AKAP6: variants seen among roughly 807,000 people sequenced by gnomAD.
The protein encoded by AKAP6 is A-kinase anchoring protein 6.
A neutral mutation model predicts 188.5 loss-of-function variants in AKAP6; 58 were observed. The observed-to-expected ratio is 0.31, with a 90% CI of 0.25 to 0.38. The LOEUF is 0.38. Among genes scored for constraint, AKAP6 ranks in the 10% least tolerant of loss-of-function variants. The probability of loss-of-function intolerance (pLI) is 1.00; values close to 1 mark genes in which losing one functional copy is unlikely to be tolerated. For missense variants in AKAP6, 2,710 were observed against 2,740.0 expected (o/e 0.99, Z 0.24); for synonymous variants, 989 against 998.6 (o/e 0.99, Z 0.18).
chr14:32,461,939 A>C (rs1033000751), intron 2 of AKAP6, among the ~76,000 whole-genome samples: 4 of 151,958 alleles, frequency 2.6e-5, no homozygotes, highest in African/African-American at 9.7e-5. Flanking sequence ...AGCATACACA[A>C]GTATCAATAG....
At chr14:32,758,304 C>T (rs2139934940) in intron 11 of AKAP6, among the ~76,000 whole-genome samples, 1 of 152,204 alleles carries the variant, frequency 6.6e-6, no homozygotes, top group East Asian at 1.9e-4. Flanking sequence ...ATCAGAATAC[C>T]AATCCAGGCC....
chr14:32,560,493 T>A (rs969454350), intron 4 of AKAP6, among the ~76,000 whole-genome samples: 2 of 152,214 alleles, frequency 1.3e-5, no homozygotes, highest in African/African-American at 2.4e-5. Context: ...ATATGGCTGT[T>A]GGCCTCTGCA....
chr14:32,719,018 A>G (rs1447995659), intron 9 of AKAP6, among the ~76,000 whole-genome samples: 2 of 152,218 alleles, frequency 1.3e-5, no homozygotes, highest in African/African-American at 4.8e-5. Flanking sequence ...TGAAGGCACC[A>G]GAGATATTCT....
rs542340042 is a variant in AKAP6 at position 32,527,190 on chromosome 14, G to A, written c.325-8364G>A. On this transcript the variant is annotated intron_variant, in intron 2 of 13. Coordinates refer to ENST00000280979, the MANE Select transcript of AKAP6 (RefSeq NM_004274.5). ...GAATGTCATATAAATGGAATAGTAC[G>A]GTTTGTAGCCTTTTCAGATTGACTT... Among the ~76,000 whole-genome samples, 9 of 152,288 alleles carry A rather than the reference G, an allele frequency of 5.9e-5. No individual in the cohort carries two copies. In the South Asian group the frequency reaches 6.2e-4, roughly 11 times the overall value.
chr14:32,775,252 C>A (rs372510282), intron 12 of AKAP6, among the ~76,000 whole-genome samples: 1 of 152,002 alleles, frequency 6.6e-6, no homozygotes, highest in Admixed American at 6.6e-5. Flanking sequence ...AGCCTGTAAT[C>A]GTGGTAGTGG....
chr14:32,362,298 A>G (rs758878867), intron 1 of AKAP6, among the ~76,000 whole-genome samples: 2 of 152,256 alleles, frequency 1.3e-5, no homozygotes, highest in Non-Finnish European at 2.9e-5. Flanking sequence ...TGTGCGTTAC[A>G]AAGATAAACA....
chr14:32,797,120 A>G (rs2033794622), intron 12 of AKAP6, among the ~76,000 whole-genome samples: 8 of 152,228 alleles, frequency 5.3e-5, no homozygotes, highest in Admixed American at 5.2e-4. Context: ...TTAAAAATAA[A>G]AAAACAACAG....
intron 2 of AKAP6, among the ~76,000 whole-genome samples, chr14:32,526,643 G>A (rs1882145316): frequency 6.6e-6 from 1 of 152,204 alleles, no homozygotes; most frequent in African/African-American, 2.4e-5. Flanking sequence ...GCCTCCCAAA[G>A]TGATGGGATT....
At chr14:32,818,714 C>T (rs911216964) in intron 12 of AKAP6, among the ~76,000 whole-genome samples, 7 of 152,058 alleles carry the variant, frequency 4.6e-5, no homozygotes, top group Non-Finnish European at 7.4e-5. Context: ...GGTCAGAAAA[C>T]GACTGTGTCA....
intron 1 of AKAP6, among the ~76,000 whole-genome samples, chr14:32,389,308 TC>T (rs1256967750): frequency 1.3e-5 from 2 of 152,178 alleles, no homozygotes; most frequent in East Asian, 3.9e-4. Context: ...CAAGTCTGTA[TC>T]TTTTAAGTGG....
At chr14:32,757,328 C>G (rs114240497) in intron 11 of AKAP6, among the ~76,000 whole-genome samples, 101 of 152,226 alleles carry the variant, frequency 6.6e-4, no homozygotes, top group African/African-American at 2.4e-3. Flanking sequence ...TTGCTGACAT[C>G]CTCCTAGGAG....
Position 32,556,294 on chromosome 14 carries a change from G to A in AKAP6, c.2346+9295G>A, listed in dbSNP as rs555336057. 5.9e-5 allele frequency among the ~76,000 whole-genome samples: 9 copies of A among 152,068 alleles called. No homozygotes were observed. In the East Asian group the frequency reaches 1.7e-3, roughly 29 times the overall value. On this transcript the variant is annotated intron_variant, in intron 4 of 13. Transcript: ENST00000280979. ...CACATCCATTACCCATATTTTAATA[G>A]CGTTATTTGAGTTTTGTTGTTCAGT... is the stretch of plus-strand genomic sequence containing the variant.
intron 2 of AKAP6, among the ~76,000 whole-genome samples, chr14:32,462,129 G>A (rs533176674): frequency 1.3e-5 from 2 of 152,136 alleles, no homozygotes; most frequent in African/African-American, 4.8e-5. Context: ...GTGGCAGGGA[G>A]AATGGAACCA....
chr14:32,665,757 T>C (rs1888907804), intron 7 of AKAP6, among the ~76,000 whole-genome samples: 1 of 152,144 alleles, frequency 6.6e-6, no homozygotes, highest in South Asian at 2.1e-4. Context: ...CCCAGCATTA[T>C]AACCAAGGAA....
At chr14:32,346,262 A>G (rs967645682) in intron 1 of AKAP6, among the ~76,000 whole-genome samples, 1 of 152,214 alleles carries the variant, frequency 6.6e-6, no homozygotes, top group African/African-American at 2.4e-5. Context: ...CCCTGTTTTC[A>G]GGGAGCTAAG....
At chr14:32,337,491 G>C (rs1886743932) in intron 1 of AKAP6, among the ~76,000 whole-genome samples, 1 of 151,960 alleles carries the variant, frequency 6.6e-6, no homozygotes, top group East Asian at 1.9e-4. Flanking sequence ...AACAAATAAA[G>C]AATCAGATTG....
chr14:32,710,258 G>A (rs1006681842), intron 9 of AKAP6, among the ~76,000 whole-genome samples: 12 of 151,164 alleles, frequency 7.9e-5, no homozygotes, highest in Admixed American at 2.6e-4. Context: ...CAGTGGATGC[G>A]TAATATATTA....
intron 1 of AKAP6, chr14:32,403,469 A>G (rs1381790321): frequency 6.6e-6 from 1 of 152,236 alleles, no homozygotes; most frequent in African/African-American, 2.4e-5. Flanking sequence ...ATTGCACACC[A>G]TTAAAAGGAC....
At chr14:32,656,629 G>T (rs1888466337) in intron 7 of AKAP6, among the ~76,000 whole-genome samples, 1 of 152,152 alleles carries the variant, frequency 6.6e-6, no homozygotes, top group Non-Finnish European at 1.5e-5. Context: ...GAATACATAC[G>T]TTTAGTGTAG....
Sources: gnomAD v4.1 joint callset for allele counts (sites outside exome capture counted in the v4.1 genomes callset) on GRCh38, gnomAD v4.1.1 for gene constraint, MANE v1.5 for transcripts, NCBI Gene and HGNC (gene_info 2026-07-23, HGNC 2026-07-21) for gene names.